ACAN: variants seen among roughly 807,000 people sequenced by gnomAD.
The protein encoded by ACAN is aggrecan, also known as aggrecan core protein.
In ACAN, 47 loss-of-function variants were observed where a neutral mutation model predicts 169.1. That is an observed-to-expected ratio of 0.28 (90% CI 0.22 to 0.35). The LOEUF is 0.35. Ranked by LOEUF, ACAN falls within the 10% of genes least tolerant of loss-of-function variation. The pLI is 1.00. For synonymous variants in ACAN, 1,115 were observed against 1,112.2 expected (o/e 1.00, Z -0.05); for missense variants, 2,716 against 2,759.9 (o/e 0.98, Z 0.36).
In ACAN at chr15:88,858,655, A is replaced by T. The variant is rs763703399; in HGVS notation, c.6070A>T (p.Thr2024Ser). 1.4e-5 allele frequency: 22 copies of T among 1,613,852 alleles called. No individual in the cohort carries two copies. In the African/African-American group the frequency reaches 2.5e-4, roughly 19 times the overall value. The change falls in exon 12 of 19, where the codon ACC becomes TCC. Residue 2024 changes from threonine (T) to serine (S), a missense_variant. Thr to Ser is a moderately conservative substitution (Grantham distance 58). Coordinates refer to ENST00000560601, the MANE Select transcript of ACAN (RefSeq NM_001369268.1). The surrounding 1 kb of genome is among the most constrained non-coding windows in gnomAD (Gnocchi z 4.0). ...TGGAGAATCCTCTGTAGCCATGGGCACCAGTGGAGAGGCCTCAGGACTTCC... is the reference window on the plus strand; with the variant it reads ...TGGAGAATCCTCTGTAGCCATGGGCTCCAGTGGAGAGGCCTCAGGACTTCC... ...VSGESSVAMG[T>S]SGEASGLPEV...
chr15:88,857,951 C>T lies in ACAN; in HGVS notation c.5366C>T (p.Thr1789Ile), dbSNP rs1441976736. Reference sequence around the variant, plus strand: ...GGCATAACTGATCTGAGTGGAGAAACATCTGGGGTCCCTGATCTCAGTGGG... The same window carrying T: ...GGCATAACTGATCTGAGTGGAGAAATATCTGGGGTCCCTGATCTCAGTGGG... ...PFGITDLSGE[T>I]SGVPDLSGQP... Residue 1789 changes from threonine (T) to isoleucine (I), a missense_variant, in exon 12 of 19, where the codon ACA (threonine) becomes ATA (isoleucine). This residue lies in a region of ACAN where 1,389 missense variants were observed against 1,363.7 expected (regional missense o/e 1.02). Transcript: ENST00000560601. 1 of 1,613,816 alleles carries T rather than the reference C, an allele frequency of 6.2e-7. No homozygotes were observed. The highest frequency in any genetic ancestry group is 8.5e-7 in the Non-Finnish European group (1 of 1,179,888).
chr15:88,833,176 G>A lies in ACAN; in HGVS notation c.-7-3024G>A, dbSNP rs754998437. Among the ~76,000 whole-genome samples the A allele has an allele frequency of 3.3e-5, 5 of 152,326 alleles. No individual in the cohort carries two copies. The East Asian group carries it at 5.8e-4, about 18-fold the overall frequency. On this transcript the variant is annotated intron_variant, in intron 1 of 18. Transcript: ENST00000560601. Reference sequence around the variant, plus strand: ...GGTAGAGTCTGGCTGATGAGGAGGTGAAGGTTTCCTTGTCTGCAACCTGGA... The same window carrying A: ...GGTAGAGTCTGGCTGATGAGGAGGTAAAGGTTTCCTTGTCTGCAACCTGGA...
At chr15:88,818,454 C>G (rs1229299337) in intron 1 of ACAN, among the ~76,000 whole-genome samples, 2 of 152,256 alleles carry the variant, frequency 1.3e-5, no homozygotes, top group Non-Finnish European at 2.9e-5. Flanking sequence ...CCTCAGTGAG[C>G]CAGAGACAAG....
chr15:88,862,171 G>A (rs1897207374), intron 13 of ACAN, among the ~76,000 whole-genome samples: 1 of 152,212 alleles, frequency 6.6e-6, no homozygotes, highest in South Asian at 2.1e-4. Context: ...ATGGGGAGGA[G>A]CTGAGGAATC....
chr15:88,809,220 T>A (rs1596109692), intron 1 of ACAN, among the ~76,000 whole-genome samples: 1 of 152,142 alleles, frequency 6.6e-6, no homozygotes, highest in Non-Finnish European at 1.5e-5. Context: ...TGGGGCAGGG[T>A]TGCCATAGTA....
chr15:88,862,997 C>CAAA (rs57598410), intron 13 of ACAN, among the ~76,000 whole-genome samples: 11 of 73,786 alleles, frequency 1.5e-4, no homozygotes, highest in African/African-American at 4.5e-4. Flanking sequence ...CACTCGGTCT[C>CAAA]AAAAAAAAAA....
chr15:88,818,784 C>A (rs1044683267), intron 1 of ACAN, among the ~76,000 whole-genome samples: 1 of 152,050 alleles, frequency 6.6e-6, no homozygotes. Flanking sequence ...GGGGCCAACC[C>A]CATGAAGAGA....
In ACAN at chr15:88,870,152, C is replaced by T. The variant is rs1374440867; in HGVS notation, c.7061-1230C>T. 6.6e-6 allele frequency among the ~76,000 whole-genome samples: 1 copy of T among 152,190 alleles called. No homozygotes were observed. Among genetic ancestry groups the T allele is most frequent in the Non-Finnish European group, 1.5e-5 (1 of 68,044 alleles). On this transcript the variant is annotated intron_variant, in intron 14 of 18. Coordinates refer to ENST00000560601, the MANE Select transcript of ACAN (RefSeq NM_001369268.1). This position sits in a 1 kb window ranked among gnomAD's most constrained non-coding sequence, Gnocchi z 6.3. ...CTCCTACAGCTCTGTTCTTTCTTCT[C>T]AAGCTGCTGACCCCCTGTTCTGCTC...
In ACAN at chr15:88,859,368, C is replaced by T. The variant is rs368877815; in HGVS notation, c.6783C>T (p.Ser2261=). The T allele has an allele frequency of 1.3e-6, 2 of 1,581,332 alleles. No homozygotes were observed. Among genetic ancestry groups the T allele is most frequent in the Non-Finnish European group, 1.7e-6 (2 of 1,163,408 alleles). The change falls in exon 12 of 19, where the codon TCC becomes TCT. Residue 2261 remains serine, a synonymous_variant. Coordinates refer to ENST00000560601, the MANE Select transcript of ACAN (RefSeq NM_001369268.1). The part of the protein sequence containing the change: ...VETATSPTDA[S]IPASPEWKRE... ...CAGCCACCTCCCCAACAGATGCTTCCATCCCAGCTTCTCCGGAATGGAAAC... is the reference window on the plus strand; with the variant it reads ...CAGCCACCTCCCCAACAGATGCTTCTATCCCAGCTTCTCCGGAATGGAAAC...
At chr15:88,832,996 G>C (rs1896402504) in intron 1 of ACAN, among the ~76,000 whole-genome samples, 1 of 152,230 alleles carries the variant, frequency 6.6e-6, no homozygotes, top group Admixed American at 6.5e-5. Context: ...GCAGGTCCTA[G>C]ATTATTAAGC....
At chr15:88,826,255 C>T (rs987120270) in intron 1 of ACAN, among the ~76,000 whole-genome samples, 1 of 152,084 alleles carries the variant, frequency 6.6e-6, no homozygotes, top group Non-Finnish European at 1.5e-5. Context: ...CCCATTTAAT[C>T]AGAAATGACT....
intron 1 of ACAN, among the ~76,000 whole-genome samples, chr15:88,815,647 T>C (rs141355469): frequency 2.6e-5 from 3 of 116,348 alleles, no homozygotes; most frequent in African/African-American, 1.0e-4. Context: ...TGAAATGTTC[T>C]GCACTGATTA....
rs2141612102 is a variant in ACAN, at chr15:88,858,803, T to A, written c.6218T>A (p.Val2073Asp). The A allele has an allele frequency of 6.2e-7, 1 of 1,613,808 alleles. No homozygotes were observed. The highest frequency in any genetic ancestry group is 2.2e-5 in the East Asian group (1 of 44,868). ...CAGCTTTTTGAGTCCAGTGGAAAAG[T>A]CTCCACAGCTGGGGACATTAGTGGA... is the stretch of plus-strand genomic sequence containing the variant. ...TPQLFESSGK[V>D]STAGDISGAT... is the part of the protein sequence containing the mutation. Residue 2073 changes from valine to aspartate, a missense_variant, in exon 12 of 19, where the codon GTC becomes GAC. Physicochemically the swap from Val to Asp is radical, Grantham distance 152. Coordinates refer to ENST00000560601, the MANE Select transcript of ACAN (RefSeq NM_001369268.1). This position sits in a 1 kb window ranked among gnomAD's most constrained non-coding sequence, Gnocchi z 4.0.
chr15:88,824,874 A>G (rs1327285357), intron 1 of ACAN, among the ~76,000 whole-genome samples: 1 of 151,122 alleles, frequency 6.6e-6, no homozygotes, highest in African/African-American at 2.5e-5. Context: ...ACTGGCTGAC[A>G]GAGCGAGACT....
intron 11 of ACAN, among the ~76,000 whole-genome samples, chr15:88,854,417 A>C (rs1373763151): frequency 6.6e-6 from 1 of 152,138 alleles, no homozygotes; most frequent in Non-Finnish European, 1.5e-5. Context: ...AAGCTTTGAA[A>C]ACCATGGGAC....
intron 1 of ACAN, among the ~76,000 whole-genome samples, chr15:88,823,556 G>A (rs1351023283): frequency 6.6e-6 from 1 of 152,116 alleles, no homozygotes; most frequent in Admixed American, 6.5e-5. Context: ...GTGGGGAGGG[G>A]TAAGAATCGT....
At chr15:88,806,533 A>G (rs1227999620) in intron 1 of ACAN, among the ~76,000 whole-genome samples, 1 of 152,012 alleles carries the variant, frequency 6.6e-6, no homozygotes, top group East Asian at 1.9e-4. Context: ...TATTTGTAGT[A>G]CAGACGAGAT....
At chr15:88,862,410 C>G (rs1047317239) in intron 13 of ACAN, among the ~76,000 whole-genome samples, 1 of 152,180 alleles carries the variant, frequency 6.6e-6, no homozygotes, top group Non-Finnish European at 1.5e-5. Context: ...TGAAGATCAC[C>G]CATGTACAAC....
rs1003722174 is a variant in ACAN at position 88,869,726 on chromosome 15, C to T, written c.7060+1397C>T. On this transcript the variant is annotated intron_variant, in intron 14 of 18. Coordinates refer to ENST00000560601, the MANE Select transcript of ACAN (RefSeq NM_001369268.1). The surrounding 1 kb of genome is among the most constrained non-coding windows in gnomAD (Gnocchi z 4.2). ...GAGAGATGGTGACAGAGCCACCCAGCTCGGCCCTGGGCCTGGGGGCCCAGC... is the reference window on the plus strand; with the variant it reads ...GAGAGATGGTGACAGAGCCACCCAGTTCGGCCCTGGGCCTGGGGGCCCAGC... 1.3e-5 allele frequency among the ~76,000 whole-genome samples: 2 copies of T among 152,324 alleles called. No homozygotes were observed. The highest frequency in any genetic ancestry group is 3.9e-4 in the East Asian group (2 of 5,182).
Sources: gnomAD v4.1 joint callset for allele counts (sites outside exome capture counted in the v4.1 genomes callset) on GRCh38, gnomAD v4.1.1 for gene constraint, gnomAD v4.1.1 regional missense constraint, Gnocchi (gnomAD v3.1) non-coding constraint, MANE v1.5 for transcripts, NCBI Gene and HGNC (gene_info 2026-07-23, HGNC 2026-07-21) for gene names.